The following ARPP21 variants were observed in gnomAD, a reference collection of about 807,000 sequenced individuals.
The protein encoded by ARPP21 is cAMP-regulated phosphoprotein 21.
Under a neutral mutation model 113.2 loss-of-function variants are expected in ARPP21, and 69 were observed. The observed-to-expected ratio is 0.61, with a 90% CI of 0.50 to 0.74. ARPP21 has a LOEUF of 0.74. Ranked by LOEUF, ARPP21 falls within the 30% of genes least tolerant of loss-of-function variation. ARPP21 has a pLI of 0.00. For missense variants in ARPP21, 1,070 were observed against 1,037.4 expected (o/e 1.03, Z -0.43); for synonymous variants, 368 against 375.5 (o/e 0.98, Z 0.23).
intron 13 of ARPP21, among the ~76,000 whole-genome samples, chr3:35,719,379 A>G (rs2092820587): frequency 6.6e-6 from 1 of 152,198 alleles, no homozygotes; most frequent in African/African-American, 2.4e-5. Context: ...TGTACAGATT[A>G]TGGCTTAGGA....
chr3:35,653,348 CAG>C (rs1703298769), intron 1 of ARPP21, among the ~76,000 whole-genome samples: 1 of 151,950 alleles, frequency 6.6e-6, no homozygotes, highest in South Asian at 2.1e-4. Flanking sequence ...CCACACAAAA[CAG>C]AGAATTCAAT....
intron 1 of ARPP21, among the ~76,000 whole-genome samples, chr3:35,652,292 T>C (rs564229264): frequency 6.6e-6 from 1 of 152,162 alleles, no homozygotes; most frequent in Non-Finnish European, 1.5e-5. Context: ...AAGAATGATT[T>C]CAAATAAAAT....
intron 11 of ARPP21, among the ~76,000 whole-genome samples, chr3:35,709,927 A>G (rs1283039085): frequency 6.6e-6 from 1 of 152,140 alleles, no homozygotes; most frequent in East Asian, 1.9e-4. Context: ...GCTTCTGGAG[A>G]CAACACAAAG....
Position 35,730,200 on chromosome 3 carries a change from G to A in ARPP21, c.1459+664G>A, listed in dbSNP as rs1021694864. On this transcript the variant is annotated intron_variant, in intron 15 of 20. Transcript: ENST00000684406. ...GAATGGCCATTGGTTCTTTAATTTT[G>A]CATTTTTCTAGTGGGTCAGTTGACT... Among the ~76,000 whole-genome samples the A allele has an allele frequency of 2.0e-5, 3 of 152,098 alleles. No homozygotes were observed. The East Asian group carries it at 5.8e-4, about 29-fold the overall frequency.
intron 12 of ARPP21, among the ~76,000 whole-genome samples, chr3:35,716,457 A>C (rs1290638796): frequency 6.6e-6 from 1 of 152,090 alleles, no homozygotes; most frequent in African/African-American, 2.4e-5. Flanking sequence ...ATCTTCAAGT[A>C]ACGTGACTAA....
chr3:35,723,631 T>C (rs2093306391), intron 14 of ARPP21, among the ~76,000 whole-genome samples: 1 of 152,204 alleles, frequency 6.6e-6, no homozygotes, highest in South Asian at 2.1e-4. Context: ...CACTTAAAAA[T>C]TCCAGCACAC....
chr3:35,779,138 T>A (rs1018555588), intron 19 of ARPP21, among the ~76,000 whole-genome samples: 6 of 152,150 alleles, frequency 3.9e-5, no homozygotes, highest in Non-Finnish European at 2.9e-5. Context: ...TAGAAAAGTT[T>A]GTTGGTAGAT....
In ARPP21 at chr3:35,741,700, T is replaced by C. The variant is rs574494395; in HGVS notation, c.2010+2123T>C. On this transcript the variant is annotated intron_variant, in intron 18 of 20. Coordinates refer to ENST00000684406, the MANE Select transcript of ARPP21 (RefSeq NM_001385562.1). ...CCACTCCTTTTTGGATTCTCCATAT[T>C]TTAACATGATTGGCTGAAAATATAC... is the stretch of plus-strand genomic sequence containing the variant. Among the ~76,000 whole-genome samples the C allele has an allele frequency of 4.0e-4, 61 of 152,332 alleles. No homozygotes were observed. In the South Asian group the frequency reaches 0.012, roughly 30 times the overall value.
At chr3:35,698,361 G>A (rs1056906291) in intron 9 of ARPP21, among the ~76,000 whole-genome samples, 6 of 151,522 alleles carry the variant, frequency 4.0e-5, no homozygotes, top group Non-Finnish European at 5.9e-5. Context: ...AATTATTTAT[G>A]AGCCTTTGAG....
intron 19 of ARPP21, among the ~76,000 whole-genome samples, chr3:35,789,024 A>G (rs2096690196): frequency 6.6e-6 from 1 of 152,254 alleles, no homozygotes; most frequent in African/African-American, 2.4e-5. Flanking sequence ...TGAAAAAGAA[A>G]TAATAAAAAT....
chr3:35,694,270 C>A (rs1018886702), intron 9 of ARPP21, among the ~76,000 whole-genome samples: 5 of 151,412 alleles, frequency 3.3e-5, no homozygotes, highest in African/African-American at 1.2e-4. Flanking sequence ...CTGCACTGAC[C>A]TCTGGTATTT....
At chr3:35,777,999 A>G (rs1324443806) in intron 19 of ARPP21, among the ~76,000 whole-genome samples, 1 of 152,208 alleles carries the variant, frequency 6.6e-6, no homozygotes, top group Non-Finnish European at 1.5e-5. Context: ...GAGAGTTAAC[A>G]TTTACTTTAA....
chr3:35,682,985 T>A lies in ARPP21; in HGVS notation c.171+96T>A, dbSNP rs552618238. On this transcript the variant is annotated intron_variant, in intron 4 of 20. Coordinates refer to ENST00000684406, the MANE Select transcript of ARPP21 (RefSeq NM_001385562.1). ...AGGATTTGCCAGCATTTCAGATGAT[T>A]GTGTCCAGATATTGTGGGGCATCTC... 9.3e-5 allele frequency: 114 copies of A among 1,220,898 alleles called. No homozygotes were observed. The African/African-American group carries it at 1.6e-3, about 17-fold the overall frequency. 75.6% of individuals were successfully genotyped at this position (1,220,898 alleles called of 1,614,324 possible).
chr3:35,681,981 C>T, intron 3 of ARPP21, 101 bp downstream of exon 3: 3 of 1,312,884 alleles, frequency 2.3e-6, no homozygotes, highest in Non-Finnish European at 3.1e-6. Context: ...AAGAGTTTCA[C>T]TGGTTATATC....
chr3:35,728,992 G>A (rs545006510), intron 14 of ARPP21, among the ~76,000 whole-genome samples: 9 of 152,110 alleles, frequency 5.9e-5, no homozygotes, highest in Admixed American at 5.9e-4. Context: ...GATTTTTCAG[G>A]TACTGAGTTC....
At chr3:35,667,885 A>AGAAGAAGAAGAAGAAGAAGAAGAAGAG (rs777434867) in intron 1 of ARPP21, among the ~76,000 whole-genome samples, 30 of 97,696 alleles carry the variant, frequency 3.1e-4, no homozygotes, top group Admixed American at 1.3e-3. Context: ...AAGAAGAAGA[A>AGAAGAAGAAGAAGAAGAAGAAGAAGAG]GAAGAGGAAG....
chr3:35,763,441 C>T (rs1227430210), intron 19 of ARPP21, among the ~76,000 whole-genome samples: 3 of 152,116 alleles, frequency 2.0e-5, no homozygotes, highest in Admixed American at 6.6e-5. Context: ...ATGTGTTTAA[C>T]ATTCAACTGT....
chr3:35,760,136 G>A (rs2095713889), intron 19 of ARPP21, among the ~76,000 whole-genome samples: 1 of 152,002 alleles, frequency 6.6e-6, no homozygotes, highest in Non-Finnish European at 1.5e-5. Flanking sequence ...TATTCAAGAG[G>A]CTGTAAAAAC....
chr3:35,689,501 C>T (rs113194309), intron 7 of ARPP21, 116 bp downstream of exon 7: 147 of 617,522 alleles, frequency 2.4e-4, no homozygotes, highest in African/African-American at 1.0e-3. Flanking sequence ...CCTTCCCTGA[C>T]GTCTTAAACT....
Sources: gnomAD v4.1 joint callset for allele counts (sites outside exome capture counted in the v4.1 genomes callset) on GRCh38, gnomAD v4.1.1 for gene constraint, MANE v1.5 for transcripts, NCBI Gene and HGNC (gene_info 2026-07-23, HGNC 2026-07-21) for gene names.